Variants in GOLGA3 observed in about 807,000 individuals in gnomAD.
GOLGA3 encodes the protein golgin subfamily A member 3.
GOLGA3 carries 75 observed loss-of-function variants against 169.4 expected under a neutral mutation model. The observed-to-expected ratio is 0.44, with a 90% CI of 0.37 to 0.54. GOLGA3 has a LOEUF of 0.54. GOLGA3 is among the 20% of genes least tolerant of loss of function. The pLI, the probability that GOLGA3 is intolerant of heterozygous loss-of-function variation, is 0.00. For missense variants in GOLGA3, 1,899 were observed against 1,930.0 expected (o/e 0.98, Z 0.30); for synonymous variants, 824 against 822.4 (o/e 1.00, Z -0.03).
At chr12:132,788,582 A>C (rs1174155202) in intron 13 of GOLGA3, among the ~76,000 whole-genome samples, 1 of 152,112 alleles carries the variant, frequency 6.6e-6, no homozygotes, top group Non-Finnish European at 1.5e-5. Flanking sequence ...GGTCAGTCCC[A>C]GCTCCGCACT....
rs763018153 is a variant in GOLGA3 at position 132,801,829 on chromosome 12, G to C, written c.1738C>G (p.Gln580Glu). The C allele has an allele frequency of 1.9e-6, 3 of 1,609,814 alleles. No individual in the cohort carries two copies. The South Asian group carries it at 3.3e-5, about 18-fold the overall frequency. ...SLQSVRQWYQ[Q>E]QLALAQEARV... ...GCCTCCTGTGCCAGGGCGAGCTGCTGCTGGTACCACTGCCGGACACTCTGC... is the reference window on the plus strand; with the variant it reads ...GCCTCCTGTGCCAGGGCGAGCTGCTCCTGGTACCACTGCCGGACACTCTGC... Residue 580 changes from glutamine to glutamate, a missense_variant, in exon 8 of 24, where the codon CAG (glutamine) becomes GAG (glutamate). By Grantham distance (29) the Gln-to-Glu change is conservative. Transcript: ENST00000450791.
Position 132,822,082 on chromosome 12 carries a change from G to T in GOLGA3, c.47C>A (p.Ser16Tyr). The change falls in exon 2 of 24, where the codon TCC (serine) becomes TAC (tyrosine). Residue 16 changes from serine (S) to tyrosine (Y), a missense_variant. Ser to Tyr is a moderately radical substitution (Grantham distance 144). Coordinates refer to ENST00000450791, the MANE Select transcript of GOLGA3 (RefSeq NM_001389683.1). ...GGGGAGAGACGAGGGGCCACTGTGG[G>T]ATCTGTCCTCCTGGAGGCCATCTTG... ...AEQDGLQEDRSHSGPSSLPEA... is the reference protein window; with the variant it reads ...AEQDGLQEDRYHSGPSSLPEA... 6.2e-7 allele frequency: 1 copy of T among 1,607,866 alleles called. No homozygotes were observed. The highest frequency in any genetic ancestry group is 1.1e-5 in the South Asian group (1 of 90,464).
At position 132,789,267 on chromosome 12, in the gene GOLGA3, G is replaced by C; in HGVS notation, c.2571C>G (p.Arg857=). Reference sequence around the variant, plus strand: ...TGAGCTGGTCTTTGGAGGTGGCGTCGCGCCGGTAGGCCTCCACCATCACCT... The same window carrying C: ...TGAGCTGGTCTTTGGAGGTGGCGTCCCGCCGGTAGGCCTCCACCATCACCT... ...QQKVMVEAYR[R]DATSKDQLIS... is the part of the protein sequence containing the mutation. The change falls in exon 13 of 24, where the codon CGC becomes CGG. Residue 857 remains arginine (R), a synonymous_variant. Transcript: ENST00000450791. 6.3e-7 allele frequency: 1 copy of C among 1,599,684 alleles called. No homozygotes were observed. The highest frequency in any genetic ancestry group is 1.1e-5 in the South Asian group (1 of 90,714).
At position 132,784,326 on chromosome 12, in the gene GOLGA3, C is replaced by G; in HGVS notation, c.3124-19G>C. 6.3e-7 allele frequency: 1 copy of G among 1,596,292 alleles called. No individual in the cohort carries two copies. Among genetic ancestry groups the G allele is most frequent in the South Asian group, 1.1e-5 (1 of 90,128 alleles). ...TCCTTTCCTAAGGGCCAAGATGGAA[C>G]GGGCGCTTGGTCATGGGACAGGCCC... On this transcript the variant is annotated intron_variant, in intron 15 of 23. Transcript: ENST00000450791.
chr12:132,776,003 C>A (rs1359091831), intron 21 of GOLGA3, among the ~76,000 whole-genome samples: 1 of 152,272 alleles, frequency 6.6e-6, no homozygotes, highest in African/African-American at 2.4e-5. Flanking sequence ...CTCTGTCCTG[C>A]CGCATGACGT....
chr12:132,792,115 G>A (rs1447088347), intron 11 of GOLGA3, among the ~76,000 whole-genome samples: 1 of 152,202 alleles, frequency 6.6e-6, no homozygotes, highest in East Asian at 1.9e-4. Context: ...TACACTGATG[G>A]CTCCAGGAGG....
chr12:132,792,186 T>C (rs989572630), intron 11 of GOLGA3, among the ~76,000 whole-genome samples: 2 of 152,180 alleles, frequency 1.3e-5, no homozygotes, highest in African/African-American at 4.8e-5. Flanking sequence ...AACTGGTGGT[T>C]CCTAAGGCCT....
rs1224906594 is a variant in GOLGA3 at position 132,776,982 on chromosome 12, G to A, written c.3831C>T (p.Ser1277=). ...CCTCTTGGTTTCCCACGGGCTGTTT[G>A]CTGAGCTGCTCGTCCAGCTGCTTCT... ...LLQKQLDEQL[S]KQPVGNQEME... The change falls in exon 20 of 24, where the codon AGC becomes AGT. Residue 1277 remains serine, a synonymous_variant. Coordinates refer to ENST00000450791, the MANE Select transcript of GOLGA3 (RefSeq NM_001389683.1). 1 of 1,605,070 alleles carries A rather than the reference G, an allele frequency of 6.2e-7. No homozygotes were observed. The highest frequency in any genetic ancestry group is 8.5e-7 in the Non-Finnish European group (1 of 1,175,786).
At chr12:132,826,489 G>A (rs552140910) in intron 1 of GOLGA3, among the ~76,000 whole-genome samples, 1 of 151,876 alleles carries the variant, frequency 6.6e-6, no homozygotes, top group Admixed American at 6.6e-5. Flanking sequence ...GAGAGGGCAC[G>A]CCAACATGGT....
At chr12:132,798,286 A>G (rs1433214777) in intron 9 of GOLGA3, 54 bp downstream of exon 9, 9 of 1,512,894 alleles carry the variant, frequency 5.9e-6, no homozygotes, top group Non-Finnish European at 8.1e-6. Context: ...CACACATGGT[A>G]TCGATGTCTG....
intron 3 of GOLGA3, among the ~76,000 whole-genome samples, chr12:132,813,827 C>T (rs1048885805): frequency 9.3e-5 from 14 of 151,306 alleles, no homozygotes; most frequent in Non-Finnish European, 1.8e-4. Flanking sequence ...CAGGTTCACA[C>T]CATTCTCCTG....
chr12:132,775,028 G>A (rs2045142667), intron 22 of GOLGA3, 113 bp downstream of exon 22: 7 of 850,084 alleles, frequency 8.2e-6, no homozygotes, highest in Non-Finnish European at 1.3e-5. Flanking sequence ...GCTGCTCAGT[G>A]TGGGCTCAAC....
chr12:132,778,527 C>T (rs771045795), intron 18 of GOLGA3, among the ~76,000 whole-genome samples: 4 of 150,766 alleles, frequency 2.7e-5, no homozygotes, highest in South Asian at 2.1e-4. Context: ...GCCGAGATCG[C>T]GCCACTGCAC....
Position 132,777,838 on chromosome 12 carries a change from T to C in GOLGA3, c.3583-33A>G. On this transcript the variant is annotated intron_variant, in intron 18 of 23. Coordinates refer to ENST00000450791, the MANE Select transcript of GOLGA3 (RefSeq NM_001389683.1). The surrounding 1 kb of genome is among the most constrained non-coding windows in gnomAD (Gnocchi z 4.7). The stretch of plus-strand genomic sequence containing the variant: ...GAAGGAAGCCACGTTGTCCATGCCC[T>C]GCGTGACACCCACAGCTTTATGACG... The C allele has an allele frequency of 6.2e-7, 1 of 1,610,442 alleles. No individual in the cohort carries two copies. The highest frequency in any genetic ancestry group is 8.5e-7 in the Non-Finnish European group (1 of 1,178,426).
At position 132,770,998 on chromosome 12, in the gene GOLGA3, T is replaced by G. The variant is rs975166074; in HGVS notation, c.*2107A>C. ...CAGCCAAAATAAATAAGAACGTAAATTGCCGTATTTTTTTTTCTAATGGTA... is the reference window on the plus strand; with the variant it reads ...CAGCCAAAATAAATAAGAACGTAAAGTGCCGTATTTTTTTTTCTAATGGTA... On this transcript the variant is annotated 3_prime_UTR_variant, in exon 24 of 24. Transcript: ENST00000450791. 7 of 152,546 alleles carry G rather than the reference T, an allele frequency of 4.6e-5. No homozygotes were observed. Among genetic ancestry groups the G allele is most frequent in the African/African-American group, 1.4e-4 (6 of 41,424 alleles). 9.4% of individuals were successfully genotyped at this position (152,546 alleles called of 1,614,324 possible).
chr12:132,789,335 T>TG (rs1593274171), intron 12 of GOLGA3, 45 bp from the exon 13 acceptor site: 4 of 1,502,394 alleles, frequency 2.7e-6, no homozygotes, highest in Non-Finnish European at 2.7e-6. Context: ...CGGCGGGGCG[T>TG]GGGGGGCGTA....
intron 3 of GOLGA3, 53 bp from the exon 4 acceptor site, chr12:132,813,472 C>T (rs923387855): frequency 1.1e-6 from 1 of 948,290 alleles, no homozygotes; most frequent in South Asian, 1.5e-5. Context: ...GGATGCAGAA[C>T]AATCAGGCAC....
At chr12:132,826,289 C>T in intron 1 of GOLGA3, 1 of 902,110 alleles carries the variant, frequency 1.1e-6, no homozygotes, top group Non-Finnish European at 1.6e-6. Context: ...ACGGCCACGG[C>T]CCAGACAGGC....
intron 3 of GOLGA3, among the ~76,000 whole-genome samples, chr12:132,814,801 C>G (rs1291328062): frequency 2.0e-5 from 3 of 152,210 alleles, no homozygotes; most frequent in Non-Finnish European, 4.4e-5. Flanking sequence ...ACTTTTTAGC[C>G]AAAACCAGAA....
Sources: allele counts gnomAD v4.1 joint callset (sites outside exome capture counted in the v4.1 genomes callset), GRCh38; gene constraint gnomAD v4.1.1; non-coding constraint Gnocchi (gnomAD v3.1); transcripts MANE v1.5; gene names NCBI Gene and HGNC (gene_info 2026-07-23, HGNC 2026-07-21).